The following NRXN3 variants were observed in gnomAD, a reference collection of about 807,000 sequenced individuals.
The protein encoded by NRXN3 is neurexin 3.
NRXN3 carries 32 observed loss-of-function variants against 137.6 expected under a neutral mutation model. The ratio of observed to expected loss-of-function variants is 0.23; its 90% CI spans 0.18 to 0.31. NRXN3 has a LOEUF of 0.31. Ranked by LOEUF, NRXN3 falls within the 10% of genes least tolerant of loss-of-function variation. The pLI is 1.00. For synonymous variants in NRXN3, 798 were observed against 784.5 expected, an observed-to-expected ratio of 1.02 and a Z score of -0.29; for missense variants, 1,574 against 2,062.5, an observed-to-expected ratio of 0.76 and a Z score of 4.59.
chr14:78,521,366 A>G (rs1001375914), intron 4 of NRXN3, among the ~76,000 whole-genome samples: 1 of 152,206 alleles, frequency 6.6e-6, no homozygotes, highest in African/African-American at 2.4e-5. Flanking sequence ...AAAGACATCT[A>G]CCACATTTAA....
chr14:79,672,612 A>C (rs1379041109), intron 17 of NRXN3, among the ~76,000 whole-genome samples: 2 of 152,070 alleles, frequency 1.3e-5, no homozygotes, highest in African/African-American at 2.4e-5. Flanking sequence ...TGGTTAGTGA[A>C]TTACAAGTTT....
chr14:79,850,059 C>A (rs1434228522), intron 20 of NRXN3, among the ~76,000 whole-genome samples: 5 of 152,180 alleles, frequency 3.3e-5, no homozygotes, highest in African/African-American at 1.2e-4. Flanking sequence ...ACCCCACAGA[C>A]ACAAAAATCA....
intron 16 of NRXN3, among the ~76,000 whole-genome samples, chr14:79,509,703 A>G (rs575988928): frequency 2.6e-5 from 4 of 151,986 alleles, no homozygotes; most frequent in African/African-American, 4.8e-5. Context: ...TCATTTCACA[A>G]TGTCAACATA....
chr14:79,450,753 C>G (rs1180739738), intron 15 of NRXN3, among the ~76,000 whole-genome samples: 2 of 151,806 alleles, frequency 1.3e-5, no homozygotes, highest in African/African-American at 4.8e-5. Context: ...GTAATCCCAG[C>G]TACTTGGGAG....
intron 15 of NRXN3, among the ~76,000 whole-genome samples, chr14:79,194,974 T>C (rs753500754): frequency 6.6e-6 from 1 of 152,166 alleles, no homozygotes; most frequent in Non-Finnish European, 1.5e-5. Context: ...TTTTTTTCTC[T>C]GATATTTCTT....
intron 19 of NRXN3, among the ~76,000 whole-genome samples, chr14:79,775,455 C>A (rs747038174): frequency 4.7e-5 from 7 of 149,990 alleles, no homozygotes; most frequent in Non-Finnish European, 8.9e-5. Context: ...ATTCTTAGTG[C>A]CAGAGAAAGA....
At chr14:78,839,396 T>C (rs1381818005) in intron 10 of NRXN3, among the ~76,000 whole-genome samples, 2 of 152,188 alleles carry the variant, frequency 1.3e-5, no homozygotes, top group Non-Finnish European at 2.9e-5. Context: ...GATAAGGATT[T>C]TGCTTTTTTA....
At chr14:79,855,170 AC>A (rs2099399936) in intron 20 of NRXN3, among the ~76,000 whole-genome samples, 1 of 152,210 alleles carries the variant, frequency 6.6e-6, no homozygotes, top group Non-Finnish European at 1.5e-5. Context: ...TCAGGTGGGT[AC>A]CATCATCGTG....
chr14:79,124,316 G>C (rs1220382462), intron 15 of NRXN3, among the ~76,000 whole-genome samples: 1 of 152,180 alleles, frequency 6.6e-6, no homozygotes, highest in Non-Finnish European at 1.5e-5. Flanking sequence ...GTCAGTAAGG[G>C]AGACGAGAGA....
intron 10 of NRXN3, among the ~76,000 whole-genome samples, chr14:78,855,110 T>G (rs154299): frequency 0.13 from 19,078 of 150,140 alleles, 1,976 homozygotes; most frequent in African/African-American, 0.28. Context: ...GTTGCAGTGA[T>G]CCGAGATCAC....
intron 4 of NRXN3, among the ~76,000 whole-genome samples, chr14:78,559,290 T>A (rs912791902): frequency 3.9e-5 from 6 of 152,252 alleles, no homozygotes; most frequent in Non-Finnish European, 8.8e-5. Flanking sequence ...TATATCTTAA[T>A]GCATTTTTTT....
At chr14:78,987,369 TC>T (rs1340755318) in intron 14 of NRXN3, among the ~76,000 whole-genome samples, 1 of 152,154 alleles carries the variant, frequency 6.6e-6, no homozygotes, top group Non-Finnish European at 1.5e-5. Flanking sequence ...CTTCCCGAGC[TC>T]AGTTTCTTAA....
rs770789306 is a variant in NRXN3, at chr14:79,663,582, GTGGTTTTTATGCCAT to G, written c.3445-183_3445-169del. ...GGTGCAGCCTGTGAGAGCAATTTGG[GTGGTTTTTATGCCAT>G]TGGTTTTTATGCTCAGGATGAAAGC... On this transcript the variant is annotated intron_variant, in intron 16 of 20. Coordinates refer to ENST00000335750, the MANE Select transcript of NRXN3 (RefSeq NM_001330195.2). Among the ~76,000 whole-genome samples the G allele has an allele frequency of 2.6e-5, 4 of 152,170 alleles. No homozygotes were observed. In the East Asian group the frequency reaches 5.8e-4, roughly 22 times the overall value.
At chr14:79,181,953 G>C (rs1359372724) in intron 15 of NRXN3, among the ~76,000 whole-genome samples, 1 of 152,094 alleles carries the variant, frequency 6.6e-6, no homozygotes, top group African/African-American at 2.4e-5. Flanking sequence ...GCTCCCATCT[G>C]TGAAAATGGA....
At chr14:79,065,372 C>T (rs367879194) in intron 15 of NRXN3, among the ~76,000 whole-genome samples, 12 of 152,074 alleles carry the variant, frequency 7.9e-5, no homozygotes, top group African/African-American at 1.9e-4. Context: ...GAATAGACTG[C>T]GGAAAATCAA....
In NRXN3 at chr14:78,669,633, C is replaced by A. The variant is rs146994333; in HGVS notation, c.1221+18307C>A. Among the ~76,000 whole-genome samples the A allele has an allele frequency of 4.3e-4, 65 of 152,242 alleles. No individual in the cohort carries two copies. The East Asian group carries it at 6.4e-3, about 15-fold the overall frequency. On this transcript the variant is annotated intron_variant, in intron 6 of 20. Coordinates refer to ENST00000335750, the MANE Select transcript of NRXN3 (RefSeq NM_001330195.2). ...TTCACACCCATAGTGACACACGGGT[C>A]TCTTCTTGCTTCATTGCTTTTTCCC...
At chr14:78,972,623 A>G (rs563365164) in intron 14 of NRXN3, among the ~76,000 whole-genome samples, 1 of 152,224 alleles carries the variant, frequency 6.6e-6, no homozygotes, top group East Asian at 1.9e-4. Flanking sequence ...TGCTTTGTCA[A>G]GTCTGATGCG....
chr14:79,577,329 C>G (rs1194890448), intron 16 of NRXN3, among the ~76,000 whole-genome samples: 1 of 152,164 alleles, frequency 6.6e-6, no homozygotes, highest in African/African-American at 2.4e-5. Context: ...ACTGTCAGCT[C>G]TTAACAATCT....
intron 8 of NRXN3, among the ~76,000 whole-genome samples, chr14:78,781,190 A>G (rs1225945252): frequency 6.6e-6 from 1 of 152,204 alleles, no homozygotes; most frequent in East Asian, 1.9e-4. Flanking sequence ...CTATTTAGAT[A>G]AAGCTTGTAA....
Sources: allele counts gnomAD v4.1 joint callset (sites outside exome capture counted in the v4.1 genomes callset), GRCh38; gene constraint gnomAD v4.1.1; transcripts MANE v1.5; gene names NCBI Gene and HGNC (gene_info 2026-07-23, HGNC 2026-07-21).